The following TSC22D1 variants were observed in gnomAD, a reference collection of about 807,000 sequenced individuals.
The protein encoded by TSC22D1 is TSC22 domain family member 1, also known as TSC22 domain family protein 1.
A neutral mutation model predicts 74.2 loss-of-function variants in TSC22D1; 9 were observed. The ratio of observed to expected loss-of-function variants is 0.12; its 90% CI spans 0.07 to 0.21. The LOEUF is 0.21. Among genes scored for constraint, TSC22D1 ranks in the 10% least tolerant of loss-of-function variants. TSC22D1 has a pLI of 1.00. For missense variants in TSC22D1, 1,427 were observed against 1,304.7 expected (o/e 1.09, Z -1.44); for synonymous variants, 586 against 492.5 (o/e 1.19, Z -2.51).
At chr13:44,434,949 AGAC>A (rs1312430595) in intron 2 of TSC22D1, 66 bp from the exon 3 acceptor site, 1 of 1,406,178 alleles carries the variant, frequency 7.1e-7, no homozygotes, top group Non-Finnish European at 9.7e-7. Flanking sequence ...TGAGTTTCCA[AGAC>A]ATTATTTTAC....
In TSC22D1 at chr13:44,575,093, C is replaced by T. The variant is rs760138310; in HGVS notation, c.982G>A (p.Val328Met). The T allele has an allele frequency of 5.6e-6, 9 of 1,614,096 alleles. No homozygotes were observed. The highest frequency in any genetic ancestry group is 5.0e-5 in the Admixed American group (3 of 60,016). ...ITAVGSFNPNVTSSMLGNVNI... is the reference protein window; with the variant it reads ...ITAVGSFNPNMTSSMLGNVNI... ...ACATTACCAAGCATGCTGCTTGTCA[C>T]ATTAGGATTAAAACTACCCACAGCA... Residue 328 changes from valine to methionine, a missense_variant, in exon 1 of 3, where the codon GTG becomes ATG. This residue lies in a region of TSC22D1 where 1,343 missense variants were observed against 1,191.5 expected (regional missense o/e 1.13). Transcript: ENST00000458659.
At chr13:44,457,509 C>A (rs1164820049) in intron 1 of TSC22D1, among the ~76,000 whole-genome samples, 1 of 151,822 alleles carries the variant, frequency 6.6e-6, no homozygotes, top group Non-Finnish European at 1.5e-5. Flanking sequence ...TGGGCCTTCA[C>A]AAACAACGCA....
intron 1 of TSC22D1, among the ~76,000 whole-genome samples, chr13:44,557,320 G>A (rs1882718212): frequency 6.6e-6 from 1 of 151,808 alleles, no homozygotes; most frequent in Admixed American, 6.6e-5. Context: ...AATTAGCTGG[G>A]CATGGTGGTG....
At chr13:44,437,015 CCGCTCGTGG>C (rs1267251217) in intron 1 of TSC22D1, 2 of 981,492 alleles carry the variant, frequency 2.0e-6, no homozygotes, top group Non-Finnish European at 2.4e-6. Flanking sequence ...TCTCCAGATC[CCGCTCGTGG>C]GGTGGGCTGG....
intron 1 of TSC22D1, among the ~76,000 whole-genome samples, chr13:44,517,778 C>G (rs946822473): frequency 8.8e-6 from 1 of 113,764 alleles, no homozygotes; most frequent in African/African-American, 3.3e-5. Flanking sequence ...TATATATATA[C>G]ACATATATAT....
intron 1 of TSC22D1, among the ~76,000 whole-genome samples, chr13:44,494,593 A>T (rs1042095646): frequency 6.6e-6 from 1 of 151,866 alleles, no homozygotes; most frequent in Non-Finnish European, 1.5e-5. Context: ...GTCACCAAAC[A>T]ATTACAACCC....
intron 1 of TSC22D1, among the ~76,000 whole-genome samples, chr13:44,495,271 G>A (rs1878913531): frequency 6.6e-6 from 1 of 150,608 alleles, no homozygotes; most frequent in Non-Finnish European, 1.5e-5. Flanking sequence ...GAAAGCAGCA[G>A]GGTGACATAT....
In TSC22D1 at chr13:44,574,584, C is replaced by A. The variant is rs1308804195; in HGVS notation, c.1491G>T (p.Gln497His). The A allele has an allele frequency of 6.2e-7, 1 of 1,614,022 alleles. No individual in the cohort carries two copies. Among genetic ancestry groups the A allele is most frequent in the Admixed American group, 1.7e-5 (1 of 60,004 alleles). Reference protein sequence around the residue: ...GEMGAPTVVVQQQQQQQQQQQ... With the variant: ...GEMGAPTVVVHQQQQQQQQQQ... ...GTTGTTGTTGTTGCTGCTGCTGCTG[C>A]TGCACCACCACAGTAGGGGCTCCCA... The change falls in exon 1 of 3, where the codon CAG (glutamine) becomes CAT (histidine). Residue 497 changes from glutamine to histidine, a missense_variant. Coordinates refer to ENST00000458659, the MANE Select transcript of TSC22D1 (RefSeq NM_183422.4).
chr13:44,546,730 G>A (rs1176970119), intron 1 of TSC22D1, among the ~76,000 whole-genome samples: 1 of 144,644 alleles, frequency 6.9e-6, no homozygotes, highest in East Asian at 2.1e-4. Flanking sequence ...ACAGGTATAT[G>A]GGAATTCTGT....
intron 1 of TSC22D1, among the ~76,000 whole-genome samples, chr13:44,487,434 G>A (rs545479139): frequency 7.8e-4 from 109 of 139,294 alleles, no homozygotes; most frequent in African/African-American, 2.8e-3. Context: ...GGGAGGTGGA[G>A]GTTGCAGTGA....
chr13:44,458,680 C>T (rs1381105365), intron 1 of TSC22D1, among the ~76,000 whole-genome samples: 1 of 152,158 alleles, frequency 6.6e-6, no homozygotes, highest in Non-Finnish European at 1.5e-5. Flanking sequence ...TGGAAGGGCC[C>T]GATCCTGCTC....
At chr13:44,470,672 C>T (rs1364261260) in intron 1 of TSC22D1, among the ~76,000 whole-genome samples, 1 of 152,148 alleles carries the variant, frequency 6.6e-6, no homozygotes, top group Non-Finnish European at 1.5e-5. Flanking sequence ...TACCCTGTGT[C>T]ACAAAAGCCG....
intron 1 of TSC22D1, among the ~76,000 whole-genome samples, chr13:44,499,941 G>T (rs1328603940): frequency 6.6e-6 from 1 of 151,896 alleles, no homozygotes; most frequent in Non-Finnish European, 1.5e-5. Context: ...ACAAAAATTA[G>T]CCAGGCGTGG....
In TSC22D1 at chr13:44,547,566, A is replaced by G. The variant is rs148423270; in HGVS notation, c.2912+25597T>C. On this transcript the variant is annotated intron_variant, in intron 1 of 2. Coordinates refer to ENST00000458659, the MANE Select transcript of TSC22D1 (RefSeq NM_183422.4). ...TTTATTCCTGCATTATTAAAACTGAAGACCTTCTCCTCATTTGTTTCTTCA... is the reference window on the plus strand; with the variant it reads ...TTTATTCCTGCATTATTAAAACTGAGGACCTTCTCCTCATTTGTTTCTTCA... Among the ~76,000 whole-genome samples the G allele has an allele frequency of 3.8e-4, 58 of 152,068 alleles. No individual in the cohort carries two copies. In the East Asian group the frequency reaches 0.011, roughly 29 times the overall value.
At chr13:44,489,672 T>TA (rs1878613003) in intron 1 of TSC22D1, among the ~76,000 whole-genome samples, 1 of 151,706 alleles carries the variant, frequency 6.6e-6, no homozygotes, top group African/African-American at 2.4e-5. Context: ...TAAAGAATTT[T>TA]AAAAAATAAA....
At chr13:44,537,375 T>G in intron 1 of TSC22D1, 2 of 985,168 alleles carry the variant, frequency 2.0e-6, no homozygotes, top group Non-Finnish European at 2.4e-6. Flanking sequence ...GAAATGCACT[T>G]ACATTTCCTT....
At chr13:44,553,546 T>TG (rs1409230530) in intron 1 of TSC22D1, among the ~76,000 whole-genome samples, 3 of 152,350 alleles carry the variant, frequency 2.0e-5, no homozygotes, top group South Asian at 4.1e-4. Context: ...ATGGAAGAGA[T>TG]GGTCTTCAGG....
chr13:44,550,065 A>G (rs1269516725), intron 1 of TSC22D1, among the ~76,000 whole-genome samples: 1 of 152,222 alleles, frequency 6.6e-6, no homozygotes, highest in Non-Finnish European at 1.5e-5. Context: ...CTGGAAAGTA[A>G]AATGTTGCCA....
rs140514784 is a variant in TSC22D1, at chr13:44,575,837, G to A, written c.238C>T (p.Pro80Ser). Reference protein sequence around the residue: ...AASSTSGPQPPPPQSLNLLSQ... With the variant: ...AASSTSGPQPSPPQSLNLLSQ... The stretch of plus-strand genomic sequence containing the variant: ...AGGAGGTTCAGGCTTTGTGGAGGCG[G>A]AGGCTGTGGTCCCGACGTAGAAGAT... The change falls in exon 1 of 3, where the codon CCG (proline) becomes TCG (serine). Residue 80 changes from proline to serine, a missense_variant. Coordinates refer to ENST00000458659, the MANE Select transcript of TSC22D1 (RefSeq NM_183422.4). 2.1e-3 allele frequency: 3,403 copies of A among 1,614,132 alleles called. 3 individuals carry two copies. Among genetic ancestry groups the A allele is most frequent in the Non-Finnish European group, 2.6e-3 (3,020 of 1,180,008 alleles).
Sources: gnomAD v4.1 joint callset for allele counts (sites outside exome capture counted in the v4.1 genomes callset) on GRCh38, gnomAD v4.1.1 for gene constraint, gnomAD v4.1.1 regional missense constraint, MANE v1.5 for transcripts, NCBI Gene and HGNC (gene_info 2026-07-23, HGNC 2026-07-21) for gene names.